UTRN: variants seen among roughly 807,000 people sequenced by gnomAD.
The protein encoded by UTRN is utrophin, also known as dystrophin-related protein 1.
In UTRN, 283 loss-of-function variants were observed where a neutral mutation model predicts 463.9. The observed-to-expected ratio is 0.61, with a 90% CI of 0.55 to 0.67. The LOEUF (loss-of-function observed/expected upper bound fraction) is 0.67, where lower values mean the gene tolerates loss of function less well. Ranked by LOEUF, UTRN falls within the 30% of genes least tolerant of loss-of-function variation. The pLI, the probability that UTRN is intolerant of heterozygous loss-of-function variation, is 0.00. For missense variants in UTRN, 3,922 were observed against 4,084.3 expected (o/e 0.96, Z 1.08); for synonymous variants, 1,442 against 1,431.5 (o/e 1.01, Z -0.17).
At chr6:144,467,792 A>T (rs749671409) in intron 23 of UTRN, among the ~76,000 whole-genome samples, 5 of 152,042 alleles carry the variant, frequency 3.3e-5, no homozygotes, top group African/African-American at 4.8e-5. Context: ...TTTTTTTCTC[A>T]TTTGTGAACA....
intron 58 of UTRN, among the ~76,000 whole-genome samples, chr6:144,759,955 A>G (rs1343036965): frequency 6.6e-6 from 1 of 152,180 alleles, no homozygotes; most frequent in East Asian, 1.9e-4. Context: ...AGAGTCTTTT[A>G]TCATCTGATT....
intron 51 of UTRN, among the ~76,000 whole-genome samples, chr6:144,673,642 A>G (rs1781279515): frequency 6.6e-6 from 1 of 152,052 alleles, no homozygotes. Context: ...ATTTACATTC[A>G]ATGTTAGTAT....
chr6:144,354,000 T>C (rs894519020), intron 2 of UTRN, among the ~76,000 whole-genome samples: 1 of 152,224 alleles, frequency 6.6e-6, no homozygotes, highest in Non-Finnish European at 1.5e-5. Context: ...GTTTTAAACT[T>C]AAGGATTCTA....
intron 2 of UTRN, among the ~76,000 whole-genome samples, chr6:144,394,538 C>A (rs1474047720): frequency 6.6e-6 from 1 of 152,136 alleles, no homozygotes; most frequent in African/African-American, 2.4e-5. Flanking sequence ...CAAACCATAT[C>A]AATATGTATT....
At chr6:144,704,398 CGGTAT>C (rs1417747949) in intron 53 of UTRN, among the ~76,000 whole-genome samples, 1 of 152,082 alleles carries the variant, frequency 6.6e-6, no homozygotes, top group Non-Finnish European at 1.5e-5. Context: ...AATTAGTACT[CGGTAT>C]AGATTAGCTG....
At chr6:144,700,864 G>C (rs1457859956) in intron 53 of UTRN, among the ~76,000 whole-genome samples, 1 of 151,534 alleles carries the variant, frequency 6.6e-6, no homozygotes, top group Non-Finnish European at 1.5e-5. Context: ...CTCCCAAGTA[G>C]CTGGGACTAC....
At chr6:144,472,461 A>G (rs1027113820) in intron 23 of UTRN, among the ~76,000 whole-genome samples, 3 of 152,330 alleles carry the variant, frequency 2.0e-5, no homozygotes, top group Middle Eastern at 3.4e-3. Flanking sequence ...AGTATTTGAG[A>G]TAATCTCTGA....
rs565816137 is a variant in UTRN, at chr6:144,768,053, A to G, written c.8496-3854A>G. On this transcript the variant is annotated intron_variant, in intron 58 of 74. Coordinates refer to ENST00000367545, the MANE Select transcript of UTRN (RefSeq NM_007124.3). ...ATGAGGACAAATGGGTTTAAGAAGT[A>G]TCTTCCACAGAGCAGTCATTTGCCC... Among the ~76,000 whole-genome samples the G allele has an allele frequency of 3.9e-5, 6 of 152,334 alleles. No homozygotes were observed. In the South Asian group the frequency reaches 6.2e-4, roughly 16 times the overall value.
intron 6 of UTRN, among the ~76,000 whole-genome samples, chr6:144,425,771 A>T (rs890164014): frequency 2.6e-5 from 4 of 152,198 alleles, no homozygotes; most frequent in Non-Finnish European, 4.4e-5. Flanking sequence ...TCCCTTAGAT[A>T]GATCTATGTC....
intron 53 of UTRN, among the ~76,000 whole-genome samples, chr6:144,723,206 C>T (rs1306670733): frequency 6.6e-6 from 1 of 152,104 alleles, no homozygotes; most frequent in Non-Finnish European, 1.5e-5. Context: ...CAACTGCAGA[C>T]TGAAATACTT....
chr6:144,719,234 A>G (rs1786833465), intron 53 of UTRN, among the ~76,000 whole-genome samples: 1 of 152,198 alleles, frequency 6.6e-6, no homozygotes, highest in Non-Finnish European at 1.5e-5. Flanking sequence ...TCATTAATCC[A>G]AAAGATATAC....
chr6:144,441,257 C>T lies in UTRN; in HGVS notation c.1512+786C>T, dbSNP rs558963254. Among the ~76,000 whole-genome samples, 77 of 152,302 alleles carry T rather than the reference C, an allele frequency of 5.1e-4. 1 individual carries two copies. The highest frequency in any genetic ancestry group is 6.2e-4 in the Non-Finnish European group (42 of 68,026). On this transcript the variant is annotated intron_variant, in intron 13 of 74. Transcript: ENST00000367545. Reference sequence around the variant, plus strand: ...CATCTGAGACAAGGCAAGTCCCTTCCGCCTATGAGCCTGCAAAGTCAAAAG... The same window carrying T: ...CATCTGAGACAAGGCAAGTCCCTTCTGCCTATGAGCCTGCAAAGTCAAAAG...
intron 1 of UTRN, among the ~76,000 whole-genome samples, chr6:144,287,118 C>A (rs1030427046): frequency 6.6e-6 from 1 of 152,114 alleles, no homozygotes; most frequent in African/African-American, 2.4e-5. Flanking sequence ...GGTTCGTTGG[C>A]GGTGGGCGTG....
chr6:144,436,982 T>C (rs182619155), intron 10 of UTRN, among the ~76,000 whole-genome samples: 1,516 of 150,322 alleles, frequency 0.01, 12 homozygotes, highest in Non-Finnish European at 0.017. Flanking sequence ...TAACAGAGTC[T>C]TACTCTGTCA....
intron 26 of UTRN, among the ~76,000 whole-genome samples, chr6:144,481,522 G>C (rs556537824): frequency 5.9e-5 from 9 of 152,300 alleles, no homozygotes; most frequent in African/African-American, 1.7e-4. Flanking sequence ...TTCTACCATA[G>C]TGTACCTCAA....
At chr6:144,797,275 G>A (rs892268870) in intron 63 of UTRN, among the ~76,000 whole-genome samples, 7 of 150,558 alleles carry the variant, frequency 4.6e-5, no homozygotes, top group Admixed American at 3.3e-4. Flanking sequence ...TGCAACCTCC[G>A]CCTCCCAGGT....
chr6:144,300,039 G>A (rs570352068), intron 2 of UTRN, among the ~76,000 whole-genome samples: 1 of 151,668 alleles, frequency 6.6e-6, no homozygotes. Context: ...ATAGACCACC[G>A]TAGCATTTTC....
intron 66 of UTRN, among the ~76,000 whole-genome samples, chr6:144,824,344 C>T (rs1039600309): frequency 2.0e-5 from 3 of 150,342 alleles, no homozygotes; most frequent in Non-Finnish European, 4.4e-5. Flanking sequence ...AGTCTAATGA[C>T]AATTTAAGGC....
chr6:144,335,665 A>G (rs961718797), intron 2 of UTRN, among the ~76,000 whole-genome samples: 1 of 152,136 alleles, frequency 6.6e-6, no homozygotes, highest in Non-Finnish European at 1.5e-5. Flanking sequence ...GCTCTCTCAA[A>G]TGCTCTTTCC....
Sources: allele counts gnomAD v4.1 joint callset (sites outside exome capture counted in the v4.1 genomes callset), GRCh38; gene constraint gnomAD v4.1.1; transcripts MANE v1.5; gene names NCBI Gene and HGNC (gene_info 2026-07-23, HGNC 2026-07-21).